LMNB1: variants seen among roughly 807,000 people sequenced by gnomAD.
The protein encoded by LMNB1 is lamin-B1.
In LMNB1, 23 loss-of-function variants were observed where a neutral mutation model predicts 67.1. The ratio of observed to expected loss-of-function variants is 0.34; its 90% CI spans 0.25 to 0.49. The LOEUF (loss-of-function observed/expected upper bound fraction) is 0.49. LMNB1 is among the 20% of genes least tolerant of loss of function. The pLI is 0.99. For synonymous variants in LMNB1, 281 were observed against 282.9 expected (o/e 0.99, Z 0.07); for missense variants, 634 against 746.5 (o/e 0.85, Z 1.76).
intron 10 of LMNB1, among the ~76,000 whole-genome samples, chr5:126,833,690 A>G (rs78605809): frequency 0.016 from 2,451 of 152,356 alleles, 27 homozygotes; most frequent in East Asian, 0.034. Flanking sequence ...AATGGGAACC[A>G]TCGTAATTAC....
chr5:126,816,558 A>G (rs1751710729), intron 5 of LMNB1, among the ~76,000 whole-genome samples: 1 of 152,228 alleles, frequency 6.6e-6, no homozygotes, highest in Non-Finnish European at 1.5e-5. Flanking sequence ...AGAAACTGAC[A>G]TTGGTATATT....
chr5:126,777,240 CGT>C lies in LMNB1; in HGVS notation c.-263_-262del. 13 of 334,978 alleles carry C rather than the reference CGT, an allele frequency of 3.9e-5. No individual in the cohort carries two copies. In the East Asian group the frequency reaches 5.1e-4, roughly 13 times the overall value. 20.8% of individuals were successfully genotyped at this position (334,978 alleles called of 1,614,324 possible). On this transcript the variant is annotated 5_prime_UTR_variant, in exon 1 of 11. Transcript: ENST00000261366. ...CCCTCGTCTTGCATTTTCCCGCGTGCGTGTGTGAGTGGGTGTGTGTGTTTTCT... is the reference window on the plus strand; with the variant it reads ...CCCTCGTCTTGCATTTTCCCGCGTGCGTGTGAGTGGGTGTGTGTGTTTTCT...
At chr5:126,808,883 T>A (rs189766969) in intron 3 of LMNB1, among the ~76,000 whole-genome samples, 196 of 151,894 alleles carry the variant, frequency 1.3e-3, no homozygotes, top group African/African-American at 3.8e-3. Flanking sequence ...AATTATTATT[T>A]TTTTTTTTTT....
chr5:126,826,996 C>T (rs1432471067), intron 9 of LMNB1, among the ~76,000 whole-genome samples: 1 of 152,194 alleles, frequency 6.6e-6, no homozygotes, highest in African/African-American at 2.4e-5. Context: ...AGCCATTGGT[C>T]ATAACCTTGT....
intron 1 of LMNB1, among the ~76,000 whole-genome samples, chr5:126,786,818 A>C (rs888961955): frequency 6.6e-5 from 10 of 152,236 alleles, no homozygotes; most frequent in African/African-American, 2.2e-4. Flanking sequence ...AGTGGTCAGT[A>C]GTTGAAACAG....
At chr5:126,792,567 A>ATTTTTTTTT in intron 1 of LMNB1, among the ~76,000 whole-genome samples, 1 of 99,154 alleles carries the variant, frequency 1.0e-5, no homozygotes, top group Non-Finnish European at 2.0e-5. Flanking sequence ...AGCACTAGGG[A>ATTTTTTTTT]TTTTTTTTTT....
intron 1 of LMNB1, among the ~76,000 whole-genome samples, chr5:126,795,523 A>G (rs1159524714): frequency 3.9e-5 from 6 of 152,156 alleles, no homozygotes; most frequent in African/African-American, 1.4e-4. Flanking sequence ...CTTTTGGAAG[A>G]ATGTACCCTA....
At chr5:126,834,673 G>A (rs1019608267) in intron 10 of LMNB1, among the ~76,000 whole-genome samples, 25 of 152,166 alleles carry the variant, frequency 1.6e-4, no homozygotes, top group Non-Finnish European at 2.6e-4. Context: ...TCAGGAGATC[G>A]AGACCATCCT....
intron 1 of LMNB1, among the ~76,000 whole-genome samples, chr5:126,782,000 C>T (rs1750644554): frequency 6.6e-6 from 1 of 152,176 alleles, no homozygotes. Context: ...TACTTTGATT[C>T]AGTCCAAGAC....
At position 126,777,305 on chromosome 5, in the gene LMNB1, G is replaced by A; in HGVS notation, c.-204G>A. The stretch of plus-strand genomic sequence containing the variant: ...TTCGCGATCGATCGATTGATTCGTA[G>A]TTCCCCCCCGCGCGCCTTTGCCCTT... On this transcript the variant is annotated 5_prime_UTR_variant, in exon 1 of 11. Coordinates refer to ENST00000261366, the MANE Select transcript of LMNB1 (RefSeq NM_005573.4). 2.5e-6 allele frequency: 1 copy of A among 406,938 alleles called. No individual in the cohort carries two copies. The highest frequency in any genetic ancestry group is 3.9e-5 in the East Asian group (1 of 25,534). The allele number at this position is 406,938 out of a possible 1,614,324, so 25.2% of individuals were successfully genotyped here.
chr5:126,805,862 T>C (rs998397591), intron 3 of LMNB1, among the ~76,000 whole-genome samples, 166 bp downstream of exon 3: 1 of 152,236 alleles, frequency 6.6e-6, no homozygotes, highest in Non-Finnish European at 1.5e-5. Flanking sequence ...GCAGGTAGAT[T>C]ATTCAAGCTA....
At chr5:126,779,488 T>C (rs1198165475) in intron 1 of LMNB1, among the ~76,000 whole-genome samples, 2 of 152,230 alleles carry the variant, frequency 1.3e-5, no homozygotes, top group African/African-American at 4.8e-5. Context: ...ATCTTAGATA[T>C]CGTTGCTTGT....
Position 126,777,710 on chromosome 5 carries a change from G to A in LMNB1, c.202G>A (p.Glu68Lys). Residue 68 changes from glutamate to lysine, a missense_variant, in exon 1 of 11, where the codon GAG (glutamate) becomes AAG (lysine). By Grantham distance (56) the Glu-to-Lys change is moderately conservative. Coordinates refer to ENST00000261366, the MANE Select transcript of LMNB1 (RefSeq NM_005573.4). Reference protein sequence around the residue: ...SALQLQVTEREEVRGRELTGL... With the variant: ...SALQLQVTERKEVRGRELTGL... ...GCTGCAGCTGCAGGTGACGGAGCGC[G>A]AGGAGGTGCGCGGCCGTGAGCTCAC... 1.3e-6 allele frequency: 2 copies of A among 1,544,906 alleles called. No individual in the cohort carries two copies. Among genetic ancestry groups the A allele is most frequent in the African/African-American group, 1.4e-5 (1 of 72,138 alleles).
chr5:126,792,238 G>GT lies in LMNB1; in HGVS notation c.360-12535dup, dbSNP rs369978715. Among the ~76,000 whole-genome samples, 479 of 150,658 alleles carry GT rather than the reference G, an allele frequency of 3.2e-3. 4 individuals are homozygous for GT. The highest frequency in any genetic ancestry group is 0.011 in the African/African-American group (464 of 40,950). On this transcript the variant is annotated intron_variant, in intron 1 of 10. Coordinates refer to ENST00000261366, the MANE Select transcript of LMNB1 (RefSeq NM_005573.4). ...GCTCACTGCAACCTCCGCCTCCTGT[G>GT]TTTAAGTGATTCTCCTGCCTCAGCC...
At chr5:126,802,354 T>A (rs1227893672) in intron 1 of LMNB1, among the ~76,000 whole-genome samples, 1 of 152,222 alleles carries the variant, frequency 6.6e-6, no homozygotes, top group Non-Finnish European at 1.5e-5. Flanking sequence ...TAAGTAAAAG[T>A]ACTCTTTTAC....
rs376539228 is a variant in LMNB1 at position 126,784,522 on chromosome 5, A to C, written c.359+6655A>C. Among the ~76,000 whole-genome samples, 13 of 148,086 alleles carry C rather than the reference A, an allele frequency of 8.8e-5. No homozygotes were observed. The East Asian group carries it at 1.6e-3, about 19-fold the overall frequency. On this transcript the variant is annotated intron_variant, in intron 1 of 10. Coordinates refer to ENST00000261366, the MANE Select transcript of LMNB1 (RefSeq NM_005573.4). Reference sequence around the variant, plus strand: ...AGGCACGTGCCACCACGCCCGGCTAATTTTTTGTATTTTTAGTAGAGATGG... The same window carrying C: ...AGGCACGTGCCACCACGCCCGGCTACTTTTTTGTATTTTTAGTAGAGATGG...
At chr5:126,832,902 C>T in intron 10 of LMNB1, 101 bp downstream of exon 10, 2 of 673,380 alleles carry the variant, frequency 3.0e-6, no homozygotes, top group South Asian at 4.6e-5. Flanking sequence ...AGTTGATGAA[C>T]CAGCGCAGTT....
At chr5:126,834,455 G>T (rs1182766724) in intron 10 of LMNB1, among the ~76,000 whole-genome samples, 1 of 152,198 alleles carries the variant, frequency 6.6e-6, no homozygotes, top group Non-Finnish European at 1.5e-5. Context: ...GTTTCTTAAA[G>T]GGCCCTTTGT....
rs1751856704 is a variant in LMNB1 at position 126,821,059 on chromosome 5, C to T, written c.1310C>T (p.Ser437Leu). 6.2e-7 allele frequency: 1 copy of T among 1,614,038 alleles called. No individual in the cohort carries two copies. Residue 437 changes from serine to leucine, a missense_variant, in exon 7 of 11, where the codon TCA (serine) becomes TTA (leucine). Coordinates refer to ENST00000261366, the MANE Select transcript of LMNB1 (RefSeq NM_005573.4). ...SSSVSISHSA[S>L]ATGNVCIEEI... is the part of the protein sequence containing the mutation. ...AGTGTTAGCATCTCTCATTCCGCCTCAGCCACTGGAAATGTTTGCATCGAA... is the reference window on the plus strand; with the variant it reads ...AGTGTTAGCATCTCTCATTCCGCCTTAGCCACTGGAAATGTTTGCATCGAA...
Sources: gnomAD v4.1 joint callset for allele counts (sites outside exome capture counted in the v4.1 genomes callset) on GRCh38, gnomAD v4.1.1 for gene constraint, MANE v1.5 for transcripts, NCBI Gene and HGNC (gene_info 2026-07-23, HGNC 2026-07-21) for gene names.